The following SPATA6 variants were observed in gnomAD, a reference collection of about 807,000 sequenced individuals.
SPATA6 encodes spermatogenesis associated 6.
SPATA6 carries 56 observed loss-of-function variants against 65.3 expected under a neutral mutation model. The observed-to-expected ratio is 0.86, with a 90% CI of 0.69 to 1.07. The LOEUF is 1.07. Among genes scored for constraint, SPATA6 ranks in the 50% least tolerant of loss-of-function variants. SPATA6 has a pLI of 0.00. For synonymous variants in SPATA6, 199 were observed against 213.2 expected (o/e 0.93, Z 0.58); for missense variants, 590 against 594.8 (o/e 0.99, Z 0.08).
chr1:48,402,619 C>A (rs901174163), intron 6 of SPATA6: 3 of 152,154 alleles, frequency 2.0e-5, no homozygotes, highest in Middle Eastern at 3.2e-3. Context: ...CTCAATAATT[C>A]TATATTTTAC....
intron 9 of SPATA6, among the ~76,000 whole-genome samples, chr1:48,368,833 G>A (rs1002694289): frequency 3.9e-5 from 6 of 152,150 alleles, no homozygotes; most frequent in Non-Finnish European, 8.8e-5. Flanking sequence ...TTCCACTGCT[G>A]GTGAGGAACT....
intron 9 of SPATA6, among the ~76,000 whole-genome samples, chr1:48,370,888 G>T (rs1365460365): frequency 6.6e-6 from 1 of 152,098 alleles, no homozygotes; most frequent in African/African-American, 2.4e-5. Flanking sequence ...CTCACGATAT[G>T]ATTTACCAAT....
intron 11 of SPATA6, among the ~76,000 whole-genome samples, chr1:48,326,779 G>T (rs555871804): frequency 1.3e-5 from 2 of 152,066 alleles, no homozygotes; most frequent in African/African-American, 2.4e-5. Flanking sequence ...AATGAATAGC[G>T]CTGGGAGAAT....
At chr1:48,405,514 G>A (rs142525756) in intron 5 of SPATA6, among the ~76,000 whole-genome samples, 126 of 152,304 alleles carry the variant, frequency 8.3e-4, no homozygotes, top group African/African-American at 2.9e-3. Context: ...TGCTTCTCAA[G>A]AAGGTTCATT....
chr1:48,265,094 T>C, the SPATA6 span, among the ~76,000 whole-genome samples: 1 of 152,332 alleles, frequency 6.6e-6, no homozygotes, highest in South Asian at 2.1e-4. Flanking sequence ...CATATCTTTC[T>C]TCATTTGTTA....
chr1:48,308,020 C>T (rs1190513024), intron 11 of SPATA6, among the ~76,000 whole-genome samples: 2 of 151,816 alleles, frequency 1.3e-5, no homozygotes, highest in Non-Finnish European at 2.9e-5. Flanking sequence ...AGTATAATCA[C>T]GATTTTTATC....
chr1:48,386,955 G>A (rs1649538116), intron 8 of SPATA6, among the ~76,000 whole-genome samples: 1 of 152,192 alleles, frequency 6.6e-6, no homozygotes, highest in Admixed American at 6.5e-5. Context: ...GGCTGTATTA[G>A]TCCATTTTTA....
At chr1:48,325,303 C>T (rs933454202) in intron 11 of SPATA6, 15 of 1,122,088 alleles carry the variant, frequency 1.3e-5, no homozygotes, top group Non-Finnish European at 1.8e-5. Context: ...AACTGGGAGC[C>T]TGCTTCACTG....
At chr1:48,397,566 T>C (rs1650724704) in intron 7 of SPATA6, among the ~76,000 whole-genome samples, 2 of 151,696 alleles carry the variant, frequency 1.3e-5, no homozygotes, top group African/African-American at 2.4e-5. Context: ...AGATCACTTT[T>C]CATACCATGT....
At chr1:48,401,088 T>A (rs535026839) in intron 6 of SPATA6, among the ~76,000 whole-genome samples, 2 of 152,212 alleles carry the variant, frequency 1.3e-5, no homozygotes, top group African/African-American at 4.8e-5. Context: ...TGCATTCCAA[T>A]TCTGAAAATC....
chr1:48,354,208 T>C (rs1339816847), intron 11 of SPATA6, among the ~76,000 whole-genome samples: 1 of 152,060 alleles, frequency 6.6e-6, no homozygotes, highest in Non-Finnish European at 1.5e-5. Flanking sequence ...CACAGAGGCA[T>C]ATGCATGCAC....
At position 48,399,365 on chromosome 1, in the gene SPATA6, A is replaced by G; in HGVS notation, c.766T>C (p.Phe256Leu). The G allele has an allele frequency of 1.2e-6, 2 of 1,612,380 alleles. No homozygotes were observed. The highest frequency in any genetic ancestry group is 1.7e-6 in the Non-Finnish European group (2 of 1,179,094). Residue 256 changes from phenylalanine (F) to leucine (L), a missense_variant, in exon 7 of 13, where the codon TTT (phenylalanine) becomes CTT (leucine). Transcript: ENST00000371847. The stretch of plus-strand genomic sequence containing the variant: ...AGAACACATACATGTCTAATCACAA[A>G]TGGAGGTTTATCTGTTTCTTTTTTG... ...EFKKETDKPP[F>L]VIRHVDPPSP...
chr1:48,303,612 T>C (rs999541179), intron 12 of SPATA6, among the ~76,000 whole-genome samples: 1 of 152,204 alleles, frequency 6.6e-6, no homozygotes, highest in Non-Finnish European at 1.5e-5. Context: ...CATTTTTTTA[T>C]AGCTGAATAA....
rs746002315 is a variant in SPATA6, at chr1:48,355,787, G to C, written c.1095-18C>G. 2.5e-6 allele frequency: 4 copies of C among 1,588,316 alleles called. No individual in the cohort carries two copies. The highest frequency in any genetic ancestry group is 1.7e-5 in the Admixed American group (1 of 58,492). On this transcript the variant is annotated intron_variant, in intron 10 of 12. Coordinates refer to ENST00000371847, the MANE Select transcript of SPATA6 (RefSeq NM_019073.4). ...AATGAAATCTGTAGGCAAAAAATAA[G>C]TTTTATTTTTGTTACTAAAATCAGG...
intron 3 of SPATA6, among the ~76,000 whole-genome samples, chr1:48,446,014 T>C (rs1242493531): frequency 6.6e-6 from 1 of 152,032 alleles, no homozygotes; most frequent in Non-Finnish European, 1.5e-5. Context: ...AGAAGCCACA[T>C]AGGAAAAGTT....
chr1:48,417,886 G>C lies in SPATA6; in HGVS notation c.239-4735C>G, dbSNP rs1166736295. On this transcript the variant is annotated intron_variant, in intron 3 of 12. Transcript: ENST00000371847. ...TTTTTGTTTTTTGTTGTTGTTGTTT[G>C]GTTTTTTTTGTTTGATTTTGAACAA... is the stretch of plus-strand genomic sequence containing the variant. Among the ~76,000 whole-genome samples the C allele has an allele frequency of 2.0e-5, 3 of 151,990 alleles. No homozygotes were observed. The South Asian group carries it at 6.2e-4, about 32-fold the overall frequency.
chr1:48,386,301 T>C (rs1344620400), intron 8 of SPATA6, among the ~76,000 whole-genome samples: 4 of 152,232 alleles, frequency 2.6e-5, no homozygotes, highest in Admixed American at 2.6e-4. Context: ...ATTTGGAGCT[T>C]TACTCATTAC....
At chr1:48,363,600 C>CT (rs960914384) in intron 9 of SPATA6, among the ~76,000 whole-genome samples, 1 of 151,388 alleles carries the variant, frequency 6.6e-6, no homozygotes. Flanking sequence ...ATAAAAAAGT[C>CT]TTTTTTTTAC....
chr1:48,310,541 C>G (rs1307203950), intron 11 of SPATA6, among the ~76,000 whole-genome samples: 1 of 152,084 alleles, frequency 6.6e-6, no homozygotes, highest in Admixed American at 6.6e-5. Context: ...TGTGAGAGCC[C>G]CCTAGGACTC....
Sources: gnomAD v4.1 joint callset for allele counts (sites outside exome capture counted in the v4.1 genomes callset) on GRCh38, gnomAD v4.1.1 for gene constraint, MANE v1.5 for transcripts, NCBI Gene and HGNC (gene_info 2026-07-23, HGNC 2026-07-21) for gene names.